CD5: variants seen among roughly 807,000 people sequenced by gnomAD.
CD5 encodes the protein CD5 molecule, also known as T-cell surface glycoprotein CD5.
In CD5, 36 loss-of-function variants were observed where a neutral mutation model predicts 60.3. The observed-to-expected ratio is 0.60, with a 90% CI of 0.46 to 0.79. CD5 has a LOEUF of 0.79. Ranked by LOEUF, CD5 falls within the 30% of genes least tolerant of loss-of-function variation. The probability of loss-of-function intolerance (pLI) is 0.00; values close to 1 mark genes in which losing one functional copy is unlikely to be tolerated. For synonymous variants in CD5, 230 were observed against 257.6 expected, an observed-to-expected ratio of 0.89 and a Z score of 1.03; for missense variants, 540 against 630.6, an observed-to-expected ratio of 0.86 and a Z score of 1.54.
At chr11:61,114,262 C>G (rs1860902573) in intron 1 of CD5, among the ~76,000 whole-genome samples, 2 of 152,122 alleles carry the variant, frequency 1.3e-5, no homozygotes, top group African/African-American at 4.8e-5. Flanking sequence ...CAGTCATAAG[C>G]CACCGTGCAC....
At chr11:61,096,102 G>A in the CD5 span, among the ~76,000 whole-genome samples, 3 of 152,258 alleles carry the variant, frequency 2.0e-5, no homozygotes, top group East Asian at 1.9e-4. Flanking sequence ...CGACTTACTG[G>A]CCATGGCCAT....
At chr11:61,109,827 G>A (rs554453693) in intron 1 of CD5, among the ~76,000 whole-genome samples, 61 of 152,322 alleles carry the variant, frequency 4.0e-4, no homozygotes, top group Non-Finnish European at 6.0e-4. Flanking sequence ...AGCTGCAAGG[G>A]GAGGTGGGCA....
intron 2 of CD5, 130 bp downstream of exon 2, chr11:61,115,224 T>C (rs535959939): frequency 5.3e-6 from 4 of 757,146 alleles, no homozygotes; most frequent in Non-Finnish European, 8.5e-6. Context: ...ATAGAGAGAG[T>C]GAACCCCAGC....
intron 8 of CD5, 50 bp from the exon 9 acceptor site, chr11:61,124,982 G>A (rs1275160508): frequency 1.9e-6 from 3 of 1,611,952 alleles, no homozygotes; most frequent in Non-Finnish European, 2.5e-6. Flanking sequence ...TGGGGAAGGA[G>A]ACGGAGGACA....
intron 1 of CD5, among the ~76,000 whole-genome samples, chr11:61,105,067 A>G (rs1447322338): frequency 1.3e-5 from 2 of 151,728 alleles, no homozygotes; most frequent in Non-Finnish European, 2.9e-5. Context: ...AGAGGCAGCA[A>G]TGCCAGAGCC....
intron 2 of CD5, among the ~76,000 whole-genome samples, chr11:61,117,369 A>G (rs566642232): frequency 2.6e-4 from 39 of 152,342 alleles, no homozygotes; most frequent in African/African-American, 7.9e-4. Flanking sequence ...AACTTTCTAG[A>G]TGATGGAAAT....
At chr11:61,120,750 C>T (rs992582712) in intron 5 of CD5, among the ~76,000 whole-genome samples, 7 of 152,178 alleles carry the variant, frequency 4.6e-5, no homozygotes, top group Admixed American at 3.3e-4. Flanking sequence ...AAATGCTGCC[C>T]CTCCCCCAGC....
rs1861094748 is a variant in CD5 at position 61,123,159 on chromosome 11, C to T, written c.1225+127C>T. 14 of 1,063,512 alleles carry T rather than the reference C, an allele frequency of 1.3e-5. No homozygotes were observed. The South Asian group carries it at 2.3e-4, about 18-fold the overall frequency. The allele number at this position is 1,063,512 out of a possible 1,614,324, so 65.9% of individuals were successfully genotyped here. ...CACGCAGGACACCTCTGCTTCACCA[C>T]CCAGCCTTCCCCTCTCCTGCCCATT... On this transcript the variant is annotated intron_variant, in intron 7 of 10. Transcript: ENST00000347785.
intron 1 of CD5, among the ~76,000 whole-genome samples, chr11:61,112,859 CA>C (rs1300801098): frequency 6.6e-6 from 1 of 152,200 alleles, no homozygotes; most frequent in East Asian, 1.9e-4. Context: ...GATTCGGGGA[CA>C]AGGATGAACT....
At chr11:61,104,812 G>A (rs927160518) in intron 1 of CD5, among the ~76,000 whole-genome samples, 1 of 152,224 alleles carries the variant, frequency 6.6e-6, no homozygotes, top group African/African-American at 2.4e-5. Context: ...CAGGAAGGCC[G>A]AGTGCAAACC....
At position 61,124,732 on chromosome 11, in the gene CD5, C is replaced by T. The variant is rs77077791; in HGVS notation, c.1280-300C>T. On this transcript the variant is annotated intron_variant, in intron 8 of 10. Transcript: ENST00000347785. The stretch of plus-strand genomic sequence containing the variant: ...TGGAGGGCAGGGAGCAGATCTGTCC[C>T]GTCACCTGTGCTCCAGTCTCCTGCT... Among the ~76,000 whole-genome samples the T allele has an allele frequency of 4.8e-3, 725 of 151,932 alleles. 6 individuals carry two copies. The highest frequency in any genetic ancestry group is 0.016 in the African/African-American group (673 of 41,430).
chr11:61,121,473 G>C (rs1590774519), intron 5 of CD5, 138 bp from the exon 6 acceptor site: 1 of 585,558 alleles, frequency 1.7e-6, no homozygotes, highest in Non-Finnish European at 2.6e-6. Context: ...AGAAAAGAAG[G>C]CTGCCTCTCC....
chr11:61,107,354 C>A (rs896474640), intron 1 of CD5, among the ~76,000 whole-genome samples: 1 of 152,116 alleles, frequency 6.6e-6, no homozygotes, highest in Non-Finnish European at 1.5e-5. Context: ...ATGCACTGGA[C>A]AGCCACACAG....
intron 6 of CD5, 59 bp downstream of exon 6, chr11:61,121,963 G>T: frequency 7.0e-7 from 1 of 1,428,236 alleles, no homozygotes; most frequent in South Asian, 1.4e-5. Flanking sequence ...TCTAGGACCC[G>T]GTCAGGGTGC....
upstream of CD5, among the ~76,000 whole-genome samples, chr11:61,101,660 TCA>T (rs1020877395): frequency 7.5e-6 from 1 of 133,216 alleles, no homozygotes; most frequent in Non-Finnish European, 1.6e-5. Flanking sequence ...AACATGGAGA[TCA>T]CACACACATC....
rs1478887157 is a variant in CD5 at position 61,126,749 on chromosome 11, C to G, written c.*464C>G. On this transcript the variant is annotated 3_prime_UTR_variant, in exon 11 of 11. Coordinates refer to ENST00000347785, the MANE Select transcript of CD5 (RefSeq NM_014207.4). The stretch of plus-strand genomic sequence containing the variant: ...CGCTTTGGCCTCTTCTGTGCAGCAT[C>G]CACCCCTGCGGATCCCTCTGGGGAG... 2 of 152,274 alleles carry G rather than the reference C, an allele frequency of 1.3e-5. No homozygotes were observed. Among genetic ancestry groups the G allele is most frequent in the Non-Finnish European group, 2.9e-5 (2 of 68,078 alleles). The allele number at this position is 152,274 out of a possible 1,614,324, so 9.4% of individuals were successfully genotyped here. A position where few individuals can be genotyped will look rare whatever the true frequency, so the allele number is the denominator to read the frequency against.
chr11:61,103,836 C>T (rs1860738921), intron 1 of CD5, among the ~76,000 whole-genome samples: 3 of 85,400 alleles, frequency 3.5e-5, no homozygotes, highest in Admixed American at 1.9e-4. Context: ...TGTGTGAGTA[C>T]TGTGTGGGGG....
intron 1 of CD5, among the ~76,000 whole-genome samples, 198 bp downstream of exon 1, chr11:61,102,813 C>G (rs1860718329): frequency 6.6e-6 from 1 of 152,208 alleles, no homozygotes; most frequent in African/African-American, 2.4e-5. Flanking sequence ...GTCCCACCCG[C>G]CAGGAGCACA....
intron 1 of CD5, among the ~76,000 whole-genome samples, chr11:61,112,092 C>T (rs1001567393): frequency 6.6e-6 from 1 of 152,182 alleles, no homozygotes; most frequent in African/African-American, 2.4e-5. Flanking sequence ...CTGTGTAGCA[C>T]TGAAGGGCAG....
Sources: gnomAD v4.1 joint callset for allele counts (sites outside exome capture counted in the v4.1 genomes callset) on GRCh38, gnomAD v4.1.1 for gene constraint, MANE v1.5 for transcripts, NCBI Gene and HGNC (gene_info 2026-07-23, HGNC 2026-07-21) for gene names.